The following PRKCE variants were observed in gnomAD, a reference collection of about 807,000 sequenced individuals.
The protein encoded by PRKCE is protein kinase C epsilon.
In PRKCE, 16 loss-of-function variants were observed where a neutral mutation model predicts 85.4. That is an observed-to-expected ratio of 0.19 (90% CI 0.13 to 0.28). PRKCE has a LOEUF of 0.28. Ranked by LOEUF, PRKCE falls within the 10% of genes least tolerant of loss-of-function variation. PRKCE has a pLI of 1.00. For missense variants in PRKCE, 573 were observed against 975.2 expected, an observed-to-expected ratio of 0.59 and a Z score of 5.49; for synonymous variants, 388 against 371.5, an observed-to-expected ratio of 1.04 and a Z score of -0.51.
Position 45,652,271 on chromosome 2 carries a change from G to A in PRKCE, c.171G>A (p.Lys57=). ...DDSRIGQTAT[K]QKTNSPAWHD... is the part of the protein sequence containing the mutation. The stretch of plus-strand genomic sequence containing the variant: ...CGCGCATCGGCCAAACGGCCACCAA[G>A]CAGAAGACCAACAGCCCGGCCTGGC... The change falls in exon 1 of 15, where the codon AAG becomes AAA. Residue 57 remains lysine, a synonymous_variant. Transcript: ENST00000306156. This position sits in a 1 kb window ranked among gnomAD's most constrained non-coding sequence, Gnocchi z 7.7. 1.2e-6 allele frequency: 2 copies of A among 1,613,268 alleles called. No homozygotes were observed. The highest frequency in any genetic ancestry group is 2.2e-5 in the East Asian group (1 of 44,776).
At chr2:45,756,608 T>C (rs1037293592) in intron 1 of PRKCE, among the ~76,000 whole-genome samples, 1 of 152,220 alleles carries the variant, frequency 6.6e-6, no homozygotes, top group Non-Finnish European at 1.5e-5. Flanking sequence ...CAAGATAGAA[T>C]GGATAAACAA....
intron 10 of PRKCE, among the ~76,000 whole-genome samples, chr2:46,073,266 G>T (rs1437361781): frequency 3.9e-5 from 6 of 152,196 alleles, no homozygotes. Context: ...AGTTACTAGA[G>T]GTTTTTCTTC....
chr2:45,932,859 A>G (rs1699146135), intron 2 of PRKCE, among the ~76,000 whole-genome samples: 1 of 152,170 alleles, frequency 6.6e-6, no homozygotes, highest in Non-Finnish European at 1.5e-5. Flanking sequence ...TGCATACTTC[A>G]TATAAGTGGA....
chr2:45,964,081 G>T (rs1002989588), intron 2 of PRKCE, among the ~76,000 whole-genome samples: 4 of 152,190 alleles, frequency 2.6e-5, no homozygotes, highest in Non-Finnish European at 5.9e-5. Context: ...AAGGGTGTGG[G>T]TTTTTCAATA....
chr2:45,841,455 A>T (rs1364611347), intron 1 of PRKCE, among the ~76,000 whole-genome samples: 1 of 152,214 alleles, frequency 6.6e-6, no homozygotes, highest in Non-Finnish European at 1.5e-5. Flanking sequence ...CATCCAGCAC[A>T]AGAGAAAGAT....
intron 1 of PRKCE, among the ~76,000 whole-genome samples, chr2:45,687,934 T>TGGTG (rs1403994453): frequency 1.3e-5 from 2 of 152,230 alleles, no homozygotes; most frequent in African/African-American, 4.8e-5. Flanking sequence ...TGGGAGTGGC[T>TGGTG]GGTGGCCTTT....
chr2:46,074,334 T>A (rs749166140), intron 10 of PRKCE, among the ~76,000 whole-genome samples: 32 of 150,638 alleles, frequency 2.1e-4, no homozygotes, highest in Admixed American at 1.5e-3. Flanking sequence ...GTCATTTTAA[T>A]ATCGATGTGG....
At chr2:45,974,769 G>A (rs1269424909) in intron 2 of PRKCE, among the ~76,000 whole-genome samples, 1 of 152,138 alleles carries the variant, frequency 6.6e-6, no homozygotes, top group African/African-American at 2.4e-5. Flanking sequence ...CTGAAGACTG[G>A]CCCTGTTATG....
intron 2 of PRKCE, among the ~76,000 whole-genome samples, chr2:45,897,570 G>C (rs1696246965): frequency 6.6e-6 from 1 of 152,158 alleles, no homozygotes; most frequent in Non-Finnish European, 1.5e-5. Context: ...GGGGTAAAAG[G>C]CACTTTGCCC....
In PRKCE at chr2:46,133,243, C is replaced by T. The variant is rs146811327; in HGVS notation, c.1593-11850C>T. Among the ~76,000 whole-genome samples the T allele has an allele frequency of 7.7e-3, 1,173 of 152,294 alleles. 6 individuals are homozygous for T. The highest frequency in any genetic ancestry group is 0.013 in the Non-Finnish European group (862 of 68,028). The stretch of plus-strand genomic sequence containing the variant: ...ACTCTTGGTCCTTTAGCTGGAGTGG[C>T]CCTTTCTGTGATGACAGAGTGCTGG... On this transcript the variant is annotated intron_variant, in intron 11 of 14. Coordinates refer to ENST00000306156, the MANE Select transcript of PRKCE (RefSeq NM_005400.3).
At chr2:45,743,851 A>G (rs1682790852) in intron 1 of PRKCE, among the ~76,000 whole-genome samples, 2 of 152,058 alleles carry the variant, frequency 1.3e-5, no homozygotes, top group Admixed American at 6.5e-5. Flanking sequence ...GGGCCCTAGA[A>G]ATAGGAAACT....
At position 46,001,423 on chromosome 2, in the gene PRKCE, C is replaced by T. The variant is rs576600856; in HGVS notation, c.843C>T (p.His281=). The change falls in exon 7 of 15, where the codon CAC becomes CAT. Residue 281 remains histidine (H), a synonymous_variant. Transcript: ENST00000306156. This position sits in a 1 kb window ranked among gnomAD's most constrained non-coding sequence, Gnocchi z 4.4. ...TTACAGTCTGCAAAATGAATGTTCA[C>T]CGTCGATGTGAGACCAACGTGGCTC... ...LQCKVCKMNV[H]RRCETNVAPN... 1.1e-5 allele frequency: 17 copies of T among 1,599,000 alleles called. No individual in the cohort carries two copies. The African/African-American group carries it at 1.2e-4, about 11-fold the overall frequency.
At chr2:46,102,331 G>A (rs1467938982) in intron 11 of PRKCE, among the ~76,000 whole-genome samples, 1 of 152,150 alleles carries the variant, frequency 6.6e-6, no homozygotes, top group Non-Finnish European at 1.5e-5. Context: ...CCTGTAGAAT[G>A]AGGATAATGT....
chr2:45,699,110 T>G (rs1367735053), intron 1 of PRKCE, among the ~76,000 whole-genome samples: 2 of 152,032 alleles, frequency 1.3e-5, no homozygotes, highest in African/African-American at 4.8e-5. Context: ...CATAATATAT[T>G]TTTTTCCTTC....
Position 45,652,492 on chromosome 2 carries a change from G to C in PRKCE, c.348+44G>C. On this transcript the variant is annotated intron_variant, in intron 1 of 14. Transcript: ENST00000306156. This position sits in a 1 kb window ranked among gnomAD's most constrained non-coding sequence, Gnocchi z 7.7. The stretch of plus-strand genomic sequence containing the variant: ...CGTCATTCCGGGAACCCGGTTGTGG[G>C]GTCCCGGGGAAAGACTCGCTGGTCT... The C allele has an allele frequency of 3.3e-6, 5 of 1,519,324 alleles. No individual in the cohort carries two copies. The highest frequency in any genetic ancestry group is 4.4e-6 in the Non-Finnish European group (5 of 1,125,416). 94.1% of individuals were successfully genotyped at this position (1,519,324 alleles called of 1,614,324 possible).
At chr2:45,664,866 T>C (rs753721490) in intron 1 of PRKCE, among the ~76,000 whole-genome samples, 2 of 152,246 alleles carry the variant, frequency 1.3e-5, no homozygotes, top group Non-Finnish European at 2.9e-5. Flanking sequence ...ATCCCATTTC[T>C]CTGGGCCAAA....
chr2:45,946,773 A>G (rs1227976055), intron 2 of PRKCE, among the ~76,000 whole-genome samples: 1 of 152,250 alleles, frequency 6.6e-6, no homozygotes, highest in African/African-American at 2.4e-5. Flanking sequence ...GAAAGTATCA[A>G]TAAACATGGG....
At chr2:45,777,574 GT>G (rs1685847864) in intron 1 of PRKCE, among the ~76,000 whole-genome samples, 1 of 152,238 alleles carries the variant, frequency 6.6e-6, no homozygotes, top group Admixed American at 6.5e-5. Context: ...CCAGACATAC[GT>G]CTAGCACCCT....
chr2:46,019,927 A>G (rs1175777498), intron 10 of PRKCE, among the ~76,000 whole-genome samples: 2 of 138,528 alleles, frequency 1.4e-5, no homozygotes, highest in Admixed American at 1.6e-4. Context: ...TCGGCTCACT[A>G]CAACCTCTGC....
Sources: allele counts gnomAD v4.1 joint callset (sites outside exome capture counted in the v4.1 genomes callset), GRCh38; gene constraint gnomAD v4.1.1; non-coding constraint Gnocchi (gnomAD v3.1); transcripts MANE v1.5; gene names NCBI Gene and HGNC (gene_info 2026-07-23, HGNC 2026-07-21).